THAP12: variants seen among roughly 807,000 people sequenced by gnomAD.
THAP12 encodes the protein THAP domain containing 12.
THAP12 carries 20 observed loss-of-function variants against 63.0 expected under a neutral mutation model. The ratio of observed to expected loss-of-function variants is 0.32; its 90% CI spans 0.22 to 0.46. The LOEUF is 0.46. THAP12 is among the 20% of genes least tolerant of loss of function. THAP12 has a pLI of 1.00. For missense variants in THAP12, 568 were observed against 908.2 expected (o/e 0.63, Z 4.81); for synonymous variants, 264 against 328.4 (o/e 0.80, Z 2.12).
chr11:76,378,690 C>A (rs1436050263), intron 1 of THAP12, among the ~76,000 whole-genome samples: 1 of 151,842 alleles, frequency 6.6e-6, no homozygotes, highest in Admixed American at 6.6e-5. Context: ...CGGCTCACTG[C>A]AACCTCTGCC....
At chr11:76,378,362 T>C (rs1449000397) in intron 1 of THAP12, among the ~76,000 whole-genome samples, 4 of 151,992 alleles carry the variant, frequency 2.6e-5, no homozygotes, top group Admixed American at 6.6e-5. Context: ...GTGGCAGAGG[T>C]TGCAGTGAGC....
chr11:76,359,091 AAAG>A (rs1474404865), intron 3 of THAP12: 1 of 152,228 alleles, frequency 6.6e-6, no homozygotes, highest in Non-Finnish European at 1.5e-5. Flanking sequence ...ATTAACTTAA[AAAG>A]AAGTTCTTCA....
chr11:76,354,257 T>A (rs926550314), intron 4 of THAP12, among the ~76,000 whole-genome samples: 3 of 152,066 alleles, frequency 2.0e-5, no homozygotes, highest in African/African-American at 7.2e-5. Context: ...GCAGGGAGCA[T>A]CCTTCCTTCA....
intron 2 of THAP12, among the ~76,000 whole-genome samples, chr11:76,363,889 A>C (rs1464415398): frequency 6.6e-6 from 1 of 152,204 alleles, no homozygotes; most frequent in Non-Finnish European, 1.5e-5. Flanking sequence ...TACAGGTGTG[A>C]GCTACCATAT....
chr11:76,366,855 A>C (rs1465097738), intron 1 of THAP12, among the ~76,000 whole-genome samples: 1 of 152,140 alleles, frequency 6.6e-6, no homozygotes, highest in Non-Finnish European at 1.5e-5. Flanking sequence ...ACAATCTAGT[A>C]CACAAAAAGT....
intron 3 of THAP12, chr11:76,358,898 A>T (rs968837588): frequency 2.0e-5 from 3 of 152,204 alleles, no homozygotes; most frequent in African/African-American, 4.8e-5. Context: ...AGCAAACATT[A>T]TACTTAATGG....
chr11:76,375,196 C>T (rs1187459839), intron 1 of THAP12, among the ~76,000 whole-genome samples: 2 of 152,160 alleles, frequency 1.3e-5, no homozygotes, highest in Non-Finnish European at 2.9e-5. Context: ...GAAGCCCTCA[C>T]CCATCTTGGG....
chr11:76,375,932 ATTAAG>A (rs1384640282), intron 1 of THAP12, among the ~76,000 whole-genome samples: 1 of 152,240 alleles, frequency 6.6e-6, no homozygotes, highest in African/African-American at 2.4e-5. Flanking sequence ...CCTTGAACAT[ATTAAG>A]TTAAACAAGC....
In THAP12 at chr11:76,350,876, C is replaced by G. The variant is rs764304960; in HGVS notation, c.2274G>C (p.Val758=). The G allele has an allele frequency of 5.7e-5, 87 of 1,526,534 alleles. No individual in the cohort carries two copies. The highest frequency in any genetic ancestry group is 6.9e-5 in the Non-Finnish European group (79 of 1,141,540). The allele number at this position is 1,526,534 out of a possible 1,614,324, so 94.6% of individuals were successfully genotyped here. A position where few individuals can be genotyped will look rare whatever the true frequency, so the allele number is the denominator to read the frequency against. Reference sequence around the variant, plus strand: ...TTTTAAAAGTCTCTTAGGTATTTTCCACAGTTTCGGAATTATCTGTAGGAA... The same window carrying G: ...TTTTAAAAGTCTCTTAGGTATTTTCGACAGTTTCGGAATTATCTGTAGGAA... ...SELPTDNSET[V]ENT is the part of the protein sequence containing the mutation. Residue 758 remains valine, a synonymous_variant, in exon 5 of 5, where the codon GTG becomes GTC. Coordinates refer to ENST00000260045, the MANE Select transcript of THAP12 (RefSeq NM_004705.4).
intron 1 of THAP12, among the ~76,000 whole-genome samples, chr11:76,366,401 A>G (rs937558709): frequency 2.0e-5 from 3 of 152,176 alleles, no homozygotes; most frequent in African/African-American, 7.2e-5. Context: ...ATCAGCAATT[A>G]GGCCGGGCGT....
chr11:76,372,010 G>A (rs1015774633), intron 1 of THAP12, among the ~76,000 whole-genome samples: 2 of 151,706 alleles, frequency 1.3e-5, no homozygotes, highest in Non-Finnish European at 2.9e-5. Context: ...ATGGGGTTTC[G>A]CTATGTTGGC....
chr11:76,369,182 G>C (rs1026457793), intron 1 of THAP12, among the ~76,000 whole-genome samples: 2 of 152,082 alleles, frequency 1.3e-5, no homozygotes, highest in African/African-American at 2.4e-5. Context: ...GCTAATTAAA[G>C]CCAAAACAAA....
intron 2 of THAP12, chr11:76,364,512 C>A: frequency 3.2e-6 from 1 of 315,014 alleles, no homozygotes; most frequent in South Asian, 2.4e-5. Flanking sequence ...ATCCCAATAT[C>A]TGAGGTGTTA....
At position 76,371,810 on chromosome 11, in the gene THAP12, CTTTTTTTTTTT is replaced by C. The variant is rs71036086; in HGVS notation, c.90-5849_90-5839del. 4.6e-4 allele frequency among the ~76,000 whole-genome samples: 30 copies of C among 65,762 alleles called. 1 individual carries two copies. The highest frequency in any genetic ancestry group is 1.8e-3 in the African/African-American group (29 of 16,496). The allele number at this position is 65,762 out of a possible 152,430, so 43.1% of individuals were successfully genotyped here. A position where few individuals can be genotyped will look rare whatever the true frequency, so the allele number is the denominator to read the frequency against. On this transcript the variant is annotated intron_variant, in intron 1 of 4. Transcript: ENST00000260045. ...AGATTTTATTTCATTTTTAACTTTT[CTTTTTTTTTTT>C]TTTTTTTTTTGGTGGAGTCTTGCTC...
At chr11:76,373,382 C>T (rs1843777375) in intron 1 of THAP12, among the ~76,000 whole-genome samples, 1 of 149,916 alleles carries the variant, frequency 6.7e-6, no homozygotes, top group South Asian at 2.1e-4. Flanking sequence ...ACTATTATTA[C>T]AACTCACCCC....
chr11:76,378,852 G>A (rs1195189175), intron 1 of THAP12, among the ~76,000 whole-genome samples: 5 of 151,880 alleles, frequency 3.3e-5, no homozygotes, highest in African/African-American at 7.3e-5. Flanking sequence ...CAAGTGATCC[G>A]CCTGCTTAGG....
chr11:76,357,485 C>A (rs1006904442), intron 3 of THAP12: 2 of 151,542 alleles, frequency 1.3e-5, no homozygotes, highest in African/African-American at 4.8e-5. Flanking sequence ...AAAAAAAAAA[C>A]TCACATCTAG....
chr11:76,365,518 G>A (rs1207889056), intron 2 of THAP12, among the ~76,000 whole-genome samples: 3 of 151,924 alleles, frequency 2.0e-5, no homozygotes, highest in African/African-American at 7.3e-5. Context: ...CAAGTAGCTG[G>A]GACTACAGGC....
Position 76,352,716 on chromosome 11 carries a change from C to T in THAP12, c.434G>A (p.Gly145Asp), listed in dbSNP as rs1348682976. ...TAAAATGTCCTCATCTTGCCCTTCA[C>T]CCTCTTCTTCGCTGGGGTTCTGAGC... Reference protein sequence around the residue: ...SNAQNPSEEEGEGQDEDILPL... With the variant: ...SNAQNPSEEEDEGQDEDILPL... Residue 145 changes from glycine to aspartate, a missense_variant, in exon 5 of 5, where the codon GGT becomes GAT. By Grantham distance (94) the Gly-to-Asp change is moderately conservative. Transcript: ENST00000260045. 1 of 1,607,900 alleles carries T rather than the reference C, an allele frequency of 6.2e-7. No individual in the cohort carries two copies. Among genetic ancestry groups the T allele is most frequent in the Non-Finnish European group, 8.5e-7 (1 of 1,178,024 alleles).
Sources: allele counts gnomAD v4.1 joint callset (sites outside exome capture counted in the v4.1 genomes callset), GRCh38; gene constraint gnomAD v4.1.1; transcripts MANE v1.5; gene names NCBI Gene and HGNC (gene_info 2026-07-23, HGNC 2026-07-21).